Variants in HSD17B12 observed in about 807,000 individuals in gnomAD.
HSD17B12 encodes the protein very-long-chain 3-oxoacyl-CoA reductase.
In HSD17B12, 32 loss-of-function variants were observed where a neutral mutation model predicts 39.3. The ratio of observed to expected loss-of-function variants is 0.81; its 90% CI spans 0.61 to 1.09. The LOEUF is 1.09. Among genes scored for constraint, HSD17B12 ranks in the 50% least tolerant of loss-of-function variants. HSD17B12 has a pLI of 0.00. For missense variants in HSD17B12, 342 were observed against 382.9 expected, an observed-to-expected ratio of 0.89 and a Z score of 0.89; for synonymous variants, 150 against 146.7, an observed-to-expected ratio of 1.02 and a Z score of -0.16.
intron 4 of HSD17B12, among the ~76,000 whole-genome samples, chr11:43,807,764 G>A (rs1358752132): frequency 6.6e-6 from 1 of 152,092 alleles, no homozygotes; most frequent in Non-Finnish European, 1.5e-5. Flanking sequence ...GAGGTGTTTA[G>A]GAAATAGAAA....
chr11:43,579,126 T>G, the HSD17B12 span: 2 of 139,466 alleles, frequency 1.4e-5, no homozygotes, highest in African/African-American at 2.7e-5. Flanking sequence ...GGAAGACCTA[T>G]CCAATGAAAA....
intron 7 of HSD17B12, among the ~76,000 whole-genome samples, chr11:43,835,027 A>T (rs544432836): frequency 6.6e-6 from 1 of 152,164 alleles, no homozygotes; most frequent in Non-Finnish European, 1.5e-5. Flanking sequence ...GTTTATTTGG[A>T]TATTTGTCAT....
At chr11:43,590,505 G>GTTTTTTTTT in the HSD17B12 span, among the ~76,000 whole-genome samples, 1 of 47,872 alleles carries the variant, frequency 2.1e-5, no homozygotes, top group African/African-American at 6.8e-5. Context: ...TGGAGTGAGT[G>GTTTTTTTTT]ATTTTTTTTT....
chr11:43,776,942 T>A lies in HSD17B12; in HGVS notation c.284-21378T>A, dbSNP rs566878179. Among the ~76,000 whole-genome samples the A allele has an allele frequency of 1.4e-3, 207 of 152,298 alleles. 1 individual carries two copies. The highest frequency in any genetic ancestry group is 4.8e-3 in the African/African-American group (199 of 41,548). ...GATATGCGGCGTTATTTCTGAGGGC[T>A]CTGTTCTGTTCCATTGATCTATATC... On this transcript the variant is annotated intron_variant, in intron 3 of 10. Coordinates refer to ENST00000278353, the MANE Select transcript of HSD17B12 (RefSeq NM_016142.3).
chr11:43,616,387 C>T, the HSD17B12 span, among the ~76,000 whole-genome samples: 21 of 119,046 alleles, frequency 1.8e-4, no homozygotes, highest in African/African-American at 4.2e-4. Flanking sequence ...CAGCCTGGGG[C>T]GACAGAGTGA....
At chr11:43,740,130 T>C (rs1950350802) in intron 1 of HSD17B12, among the ~76,000 whole-genome samples, 1 of 152,150 alleles carries the variant, frequency 6.6e-6, no homozygotes, top group Non-Finnish European at 1.5e-5. Flanking sequence ...TTTTATATAG[T>C]TGGCAAAAGG....
At chr11:43,703,410 G>T (rs1019144775) in intron 1 of HSD17B12, among the ~76,000 whole-genome samples, 1 of 152,088 alleles carries the variant, frequency 6.6e-6, no homozygotes, top group African/African-American at 2.4e-5. Flanking sequence ...TAGCCGGGAT[G>T]GTCTCGATCT....
chr11:43,592,035 A>G, the HSD17B12 span, among the ~76,000 whole-genome samples: 1 of 152,060 alleles, frequency 6.6e-6, no homozygotes, highest in African/African-American at 2.4e-5. Flanking sequence ...CAGTTAAAAT[A>G]TTTTTCCAGA....
chr11:43,718,807 C>G, intron 1 of HSD17B12: 1 of 923,162 alleles, frequency 1.1e-6, no homozygotes, highest in Non-Finnish European at 1.8e-6. Flanking sequence ...GCACGTCACC[C>G]GCCTTCTGGT....
At chr11:43,723,944 A>G (rs935090195) in intron 1 of HSD17B12, 2 of 146,300 alleles carry the variant, frequency 1.4e-5, no homozygotes, top group Admixed American at 6.8e-5. Flanking sequence ...TGTTCATACA[A>G]CTGTTTGGAG....
chr11:43,835,735 A>G (rs565496835), intron 7 of HSD17B12, among the ~76,000 whole-genome samples: 1 of 152,300 alleles, frequency 6.6e-6, no homozygotes, highest in East Asian at 1.9e-4. Context: ...TTTTGTATGA[A>G]GTACCCTCAA....
chr11:43,682,544 C>CAAAAAAAAAAA (rs55938101), intron 1 of HSD17B12, among the ~76,000 whole-genome samples: 1 of 118,446 alleles, frequency 8.4e-6, no homozygotes, highest in Non-Finnish European at 1.7e-5. Context: ...AGACTCATCT[C>CAAAAAAAAAAA]AAAAAAAAAA....
At chr11:43,754,285 A>G (rs1414269078) in intron 3 of HSD17B12, 164 bp downstream of exon 3, 5 of 580,722 alleles carry the variant, frequency 8.6e-6, no homozygotes, top group Non-Finnish European at 1.2e-5. Context: ...TGGATCATCA[A>G]TTTTAGGCTG....
intron 1 of HSD17B12, among the ~76,000 whole-genome samples, chr11:43,717,374 G>GT (rs1216837810): frequency 6.6e-6 from 1 of 152,128 alleles, no homozygotes; most frequent in Non-Finnish European, 1.5e-5. Flanking sequence ...TTAGAAATGT[G>GT]TTTTTTAAAA....
At chr11:43,791,181 C>A (rs190512015) in intron 3 of HSD17B12, among the ~76,000 whole-genome samples, 1 of 152,146 alleles carries the variant, frequency 6.6e-6, no homozygotes, top group African/African-American at 2.4e-5. Flanking sequence ...TCCAGTGAAC[C>A]CTGCTTTCAT....
chr11:43,747,260 C>A (rs1026449384), intron 1 of HSD17B12, among the ~76,000 whole-genome samples: 1 of 152,122 alleles, frequency 6.6e-6, no homozygotes, highest in African/African-American at 2.4e-5. Flanking sequence ...TAAGGAAATA[C>A]AATTCAAAAT....
the HSD17B12 span, among the ~76,000 whole-genome samples, chr11:43,579,751 G>A: frequency 6.6e-6 from 1 of 152,060 alleles, no homozygotes; most frequent in Non-Finnish European, 1.5e-5. Flanking sequence ...AGGGTGAGTG[G>A]GTCGCGGAGC....
chr11:43,731,279 G>A (rs1244040810), intron 1 of HSD17B12, among the ~76,000 whole-genome samples: 1 of 152,226 alleles, frequency 6.6e-6, no homozygotes, highest in East Asian at 1.9e-4. Flanking sequence ...TTACAGGCGT[G>A]AGCCACTGCG....
chr11:43,680,601 AG>A (rs1949731845), upstream of HSD17B12: 1 of 550,446 alleles, frequency 1.8e-6, no homozygotes, highest in Non-Finnish European at 3.3e-6. Flanking sequence ...GGAGTGTGGG[AG>A]GGGCAGTGGA....
Sources: gnomAD v4.1 joint callset for allele counts (sites outside exome capture counted in the v4.1 genomes callset) on GRCh38, gnomAD v4.1.1 for gene constraint, MANE v1.5 for transcripts, NCBI Gene and HGNC (gene_info 2026-07-23, HGNC 2026-07-21) for gene names.